TMEM164: variants seen among roughly 807,000 people sequenced by gnomAD.
TMEM164 encodes the protein transmembrane protein 164, also known as RP13-360B22.2.
A neutral mutation model predicts 18.8 loss-of-function variants in TMEM164; 4 were observed. The observed-to-expected ratio is 0.21, with a 90% CI of 0.10 to 0.49. The LOEUF (loss-of-function observed/expected upper bound fraction) is 0.49, where lower values mean the gene tolerates loss of function less well. TMEM164 is among the 20% of genes least tolerant of loss of function. The pLI is 0.98. For synonymous variants in TMEM164, 86 were observed against 101.7 expected (o/e 0.85, Z 0.93); for missense variants, 108 against 239.9 (o/e 0.45, Z 3.63).
At chrX:110,009,511 T>C (rs781601912) in intron 2 of TMEM164, among the ~76,000 whole-genome samples, 1 of 111,844 alleles carries the variant, frequency 8.9e-6, no homozygotes, top group South Asian at 3.7e-4. Flanking sequence ...CCACCATTAG[T>C]GGGAACACTT....
chrX:110,017,731 G>A (rs2147705110), intron 2 of TMEM164, among the ~76,000 whole-genome samples: 1 of 105,174 alleles, frequency 9.5e-6, no homozygotes, highest in Admixed American at 1.0e-4. Flanking sequence ...CACCATGCCC[G>A]GCTAATTTTG....
intron 4 of TMEM164, among the ~76,000 whole-genome samples, chrX:110,137,676 C>T (rs2066710532): frequency 8.9e-6 from 1 of 112,019 alleles, no homozygotes; most frequent in African/African-American, 3.2e-5. Flanking sequence ...TGATCTTTTC[C>T]TGCACTGATA....
At chrX:110,164,828 C>T (rs1284709841) in intron 5 of TMEM164, among the ~76,000 whole-genome samples, 1 of 111,605 alleles carries the variant, frequency 9.0e-6, no homozygotes, top group Non-Finnish European at 1.9e-5. Context: ...ATTCACTCTA[C>T]CTACATGGGC....
At chrX:110,091,280 C>T (rs1174937639) in intron 3 of TMEM164, among the ~76,000 whole-genome samples, 1 of 112,384 alleles carries the variant, frequency 8.9e-6, no homozygotes, top group Non-Finnish European at 1.9e-5. Context: ...GAGGAATCGC[C>T]ACACAGTCTT....
chrX:110,107,376 T>A (rs1313626321), intron 3 of TMEM164, among the ~76,000 whole-genome samples: 1 of 112,311 alleles, frequency 8.9e-6, no homozygotes, highest in African/African-American at 3.2e-5. Flanking sequence ...CTCAGAAGAT[T>A]GGTATAAAAA....
At chrX:110,113,505 T>A in intron 4 of TMEM164, among the ~76,000 whole-genome samples, 1 of 112,508 alleles carries the variant, frequency 8.9e-6, no homozygotes, top group Non-Finnish European at 1.9e-5. Flanking sequence ...TTGCCCTTCC[T>A]TCTTGGCCCT....
chrX:110,087,079 C>G (rs1431205890), intron 3 of TMEM164, among the ~76,000 whole-genome samples: 1 of 111,999 alleles, frequency 8.9e-6, no homozygotes, highest in Non-Finnish European at 1.9e-5. Context: ...CAAAAGCTAA[C>G]CAGTCATTTC....
intron 3 of TMEM164, among the ~76,000 whole-genome samples, chrX:110,095,235 G>T (rs1479886219): frequency 8.9e-6 from 1 of 111,835 alleles, no homozygotes; most frequent in Non-Finnish European, 1.9e-5. Context: ...TGCCTTGCTA[G>T]GTTGGGGAAG....
chrX:110,019,312 C>G (rs752813700), intron 2 of TMEM164, among the ~76,000 whole-genome samples: 1 of 111,141 alleles, frequency 9.0e-6, no homozygotes, highest in African/African-American at 3.3e-5. Flanking sequence ...TCATCATAGT[C>G]TCAGTCATCT....
chrX:110,113,279 A>G (rs992809098), intron 4 of TMEM164, among the ~76,000 whole-genome samples: 5 of 112,123 alleles, frequency 4.5e-5, no homozygotes, highest in African/African-American at 1.6e-4. Flanking sequence ...TGCTTAGAAA[A>G]GCTGGGAATG....
intron 3 of TMEM164, among the ~76,000 whole-genome samples, chrX:110,098,666 C>T (rs2066059117): frequency 9.0e-6 from 1 of 111,246 alleles, no homozygotes; most frequent in Non-Finnish European, 1.9e-5. Flanking sequence ...ATCTTATTAT[C>T]GTTTTAGTTT....
chrX:110,173,508 G>T lies in TMEM164; in HGVS notation c.*57G>T. On this transcript the variant is annotated 3_prime_UTR_variant, in exon 7 of 7. Coordinates refer to ENST00000372068, the MANE Select transcript of TMEM164 (RefSeq NM_032227.4). ...AGGAAGCAAGTCGTGACTTGACTTGGAGAACACCCAGTTCTTGATAAAATC... is the reference window on the plus strand; with the variant it reads ...AGGAAGCAAGTCGTGACTTGACTTGTAGAACACCCAGTTCTTGATAAAATC... 5 of 1,016,368 alleles carry T rather than the reference G, an allele frequency of 4.9e-6. No individual in the cohort carries two copies. Among genetic ancestry groups the T allele is most frequent in the Non-Finnish European group, 6.8e-6 (5 of 738,933 alleles). The allele number at this position is 1,016,368 out of a possible 1,213,427, so 83.8% of individuals were successfully genotyped here.
intron 3 of TMEM164, among the ~76,000 whole-genome samples, chrX:110,084,980 T>C (rs2065829492): frequency 9.0e-6 from 1 of 110,865 alleles, no homozygotes; most frequent in Non-Finnish European, 1.9e-5. Context: ...TGTTTTATTC[T>C]AGTGGCTTTC....
chrX:110,147,261 C>A (rs752754257), intron 5 of TMEM164, among the ~76,000 whole-genome samples: 4 of 111,597 alleles, frequency 3.6e-5, no homozygotes, highest in Non-Finnish European at 5.7e-5. Flanking sequence ...AACTCTATTT[C>A]TTTTTTTTCT....
chrX:110,111,839 A>C (rs954795731), intron 4 of TMEM164, among the ~76,000 whole-genome samples: 5 of 111,966 alleles, frequency 4.5e-5, no homozygotes, highest in Non-Finnish European at 9.4e-5. Flanking sequence ...TGAAGTTTTC[A>C]TTCAGTCAAT....
chrX:110,095,145 C>G (rs1275803668), intron 3 of TMEM164, among the ~76,000 whole-genome samples: 1 of 111,641 alleles, frequency 9.0e-6, no homozygotes, highest in Non-Finnish European at 1.9e-5. Flanking sequence ...GTGAATCTGA[C>G]AATTATGTGT....
chrX:110,008,646 C>T (rs1932874066), intron 2 of TMEM164, among the ~76,000 whole-genome samples: 1 of 111,631 alleles, frequency 9.0e-6, no homozygotes, highest in Non-Finnish European at 1.9e-5. Context: ...AAGAGAGGTG[C>T]TGTGGATTGG....
intron 4 of TMEM164, among the ~76,000 whole-genome samples, chrX:110,124,875 C>T (rs1407442548): frequency 2.7e-5 from 3 of 112,107 alleles, no homozygotes; most frequent in African/African-American, 9.7e-5. Flanking sequence ...AAGAAAATCT[C>T]ATGTAATTTT....
At chrX:110,022,313 T>G (rs1187930504) in intron 2 of TMEM164, among the ~76,000 whole-genome samples, 1 of 111,313 alleles carries the variant, frequency 9.0e-6, no homozygotes, top group East Asian at 2.8e-4. Flanking sequence ...CATAGCCTGC[T>G]AGTTAGTTGT....
Sources: gnomAD v4.1 joint callset for allele counts (sites outside exome capture counted in the v4.1 genomes callset) on GRCh38, gnomAD v4.1.1 for gene constraint, MANE v1.5 for transcripts, NCBI Gene and HGNC (gene_info 2026-07-23, HGNC 2026-07-21) for gene names.